Variants in LOC128125817 observed in about 807,000 individuals in gnomAD.
chr1:41,592,803 C>A, the LOC128125817 span, among the ~76,000 whole-genome samples: 1 of 152,214 alleles, frequency 6.6e-6, no homozygotes, highest in African/African-American at 2.4e-5. Context: ...CAGGGTATCC[C>A]ACAGCATTGA....
the LOC128125817 span, among the ~76,000 whole-genome samples, chr1:41,597,140 C>T: frequency 6.6e-6 from 1 of 152,034 alleles, no homozygotes; most frequent in African/African-American, 2.4e-5. Context: ...GGTCAAAAAG[C>T]AAATTCTATC....
At chr1:41,625,637 A>G in the LOC128125817 span, among the ~76,000 whole-genome samples, 1 of 152,224 alleles carries the variant, frequency 6.6e-6, no homozygotes, top group African/African-American at 2.4e-5. Flanking sequence ...CAGGAAGCTG[A>G]GATAGGAGGA....
the LOC128125817 span, among the ~76,000 whole-genome samples, chr1:41,613,374 C>G: frequency 6.6e-6 from 1 of 152,228 alleles, no homozygotes; most frequent in East Asian, 1.9e-4. Flanking sequence ...TATTCCCTCA[C>G]TGTACTAATC....
At chr1:41,594,690 A>G in the LOC128125817 span, among the ~76,000 whole-genome samples, 13 of 152,074 alleles carry the variant, frequency 8.5e-5, no homozygotes, top group African/African-American at 2.7e-4. Context: ...TCTTCTCTTT[A>G]TCATTAGTCT....
At chr1:41,615,311 T>C in the LOC128125817 span, among the ~76,000 whole-genome samples, 2 of 152,250 alleles carry the variant, frequency 1.3e-5, no homozygotes, top group South Asian at 2.1e-4. Flanking sequence ...TCATGGTTTA[T>C]GTCCTGAACT....
At chr1:41,599,263 T>C in the LOC128125817 span, among the ~76,000 whole-genome samples, 1 of 152,088 alleles carries the variant, frequency 6.6e-6, no homozygotes, top group Admixed American at 6.6e-5. Flanking sequence ...GAATGTGAAA[T>C]GAATAAATGA....
the LOC128125817 span, among the ~76,000 whole-genome samples, chr1:41,594,566 T>A: frequency 1.3e-5 from 2 of 152,218 alleles, no homozygotes; most frequent in Non-Finnish European, 2.9e-5. Flanking sequence ...CTAGAGAGGC[T>A]TAGCATTTTT....
chr1:41,590,858 C>T, the LOC128125817 span, among the ~76,000 whole-genome samples: 2 of 152,206 alleles, frequency 1.3e-5, no homozygotes, highest in Non-Finnish European at 2.9e-5. Context: ...AGCACAGCGA[C>T]TCCCAAGGTA....
the LOC128125817 span, among the ~76,000 whole-genome samples, chr1:41,619,205 T>G: frequency 6.6e-6 from 1 of 152,044 alleles, no homozygotes; most frequent in African/African-American, 2.4e-5. Context: ...TGCCTCCGCC[T>G]GGAATACTCT....
the LOC128125817 span, among the ~76,000 whole-genome samples, chr1:41,601,185 G>A: frequency 5.9e-5 from 9 of 152,240 alleles, no homozygotes; most frequent in East Asian, 1.7e-3. Flanking sequence ...TAGGAAATGT[G>A]AGGCTTCCAG....
At chr1:41,618,755 G>T in the LOC128125817 span, among the ~76,000 whole-genome samples, 1 of 152,200 alleles carries the variant, frequency 6.6e-6, no homozygotes, top group Non-Finnish European at 1.5e-5. Flanking sequence ...CCATTTTCCA[G>T]ATGAGGAAAC....
At chr1:41,604,277 A>T in the LOC128125817 span, among the ~76,000 whole-genome samples, 129 of 152,362 alleles carry the variant, frequency 8.5e-4, 1 homozygote, top group East Asian at 0.015. Context: ...AACAGCTCAA[A>T]TGCCAGCAAC....
the LOC128125817 span, among the ~76,000 whole-genome samples, chr1:41,623,651 T>C: frequency 6.6e-6 from 1 of 152,138 alleles, no homozygotes; most frequent in African/African-American, 2.4e-5. Context: ...TGGGTTTCAT[T>C]CCTGGGTCTG....
At chr1:41,604,919 T>G in the LOC128125817 span, among the ~76,000 whole-genome samples, 1 of 151,630 alleles carries the variant, frequency 6.6e-6, no homozygotes, top group African/African-American at 2.4e-5. Flanking sequence ...GCTTGGGCAA[T>G]GTAGGGAGAC....
the LOC128125817 span, among the ~76,000 whole-genome samples, chr1:41,603,234 T>C: frequency 3.4e-4 from 51 of 151,964 alleles, no homozygotes; most frequent in Admixed American, 3.3e-3. Context: ...GCTCAGCTAC[T>C]TTTTTGTATC....
chr1:41,593,279 C>T, the LOC128125817 span, among the ~76,000 whole-genome samples: 4 of 152,138 alleles, frequency 2.6e-5, no homozygotes, highest in African/African-American at 4.8e-5. Flanking sequence ...ATGTTCTTCC[C>T]GACGTCCTAA....
chr1:41,617,726 C>T, the LOC128125817 span, among the ~76,000 whole-genome samples: 6 of 152,244 alleles, frequency 3.9e-5, no homozygotes, highest in African/African-American at 1.4e-4. Flanking sequence ...ATCTTCACCT[C>T]TCCCAAATCA....
the LOC128125817 span, among the ~76,000 whole-genome samples, chr1:41,598,192 C>A: frequency 1.3e-5 from 2 of 152,194 alleles, no homozygotes; most frequent in Admixed American, 6.5e-5. Flanking sequence ...TCCAGCCAGT[C>A]TCTCATCAAC....
At chr1:41,621,535 G>T in the LOC128125817 span, among the ~76,000 whole-genome samples, 143 of 152,304 alleles carry the variant, frequency 9.4e-4, no homozygotes, top group Admixed American at 2.2e-3. Context: ...TGTTTTTCGA[G>T]ACAGGGTCTT....
Sources: allele counts gnomAD v4.1 joint callset (sites outside exome capture counted in the v4.1 genomes callset), GRCh38; gene constraint gnomAD v4.1.1; transcripts MANE v1.5.